The following TBC1D24 variants were observed in gnomAD, a reference collection of about 807,000 sequenced individuals.
The protein encoded by TBC1D24 is Infantile myoclonic epilepsy.
TBC1D24 carries 47 observed loss-of-function variants against 50.7 expected under a neutral mutation model. The ratio of observed to expected loss-of-function variants is 0.93; its 90% CI spans 0.73 to 1.18. The LOEUF (loss-of-function observed/expected upper bound fraction) is 1.18. Among genes scored for constraint, TBC1D24 ranks in the 50% most tolerant of loss-of-function variants. TBC1D24 has a pLI of 0.00. For missense variants in TBC1D24, 688 were observed against 766.5 expected (o/e 0.90, Z 1.21); for synonymous variants, 324 against 335.2 (o/e 0.97, Z 0.36).
intron 3 of TBC1D24, 32 bp downstream of exon 3, chr16:2,497,759 C>G: frequency 6.5e-7 from 1 of 1,535,156 alleles, no homozygotes; most frequent in East Asian, 2.4e-5. Flanking sequence ...CACACCTGGC[C>G]TCTGTCTTTC....
In TBC1D24 at chr16:2,498,374, C is replaced by A; in HGVS notation, c.1120C>A (p.Gln374Lys). ...CQPLLLFSSL[Q>K]HGYSLARFYF... ...GCCCCTTCTGCTGTTCTCCTCCCTG[C>A]AGCACGGGTACAGCCTGGCCAGGTA... The change falls in exon 4 of 8, where the codon CAG becomes AAG. Residue 374 changes from glutamine to lysine, a missense_variant. Physicochemically the swap from Gln to Lys is moderately conservative, Grantham distance 53. Coordinates refer to ENST00000646147, the MANE Select transcript of TBC1D24 (RefSeq NM_001199107.2). 6.2e-7 allele frequency: 1 copy of A among 1,607,924 alleles called. No individual in the cohort carries two copies. The highest frequency in any genetic ancestry group is 2.2e-5 in the East Asian group (1 of 44,702).
chr16:2,490,787 A>G (rs1268452919), intron 1 of TBC1D24, among the ~76,000 whole-genome samples: 6 of 152,214 alleles, frequency 3.9e-5, no homozygotes, highest in Non-Finnish European at 2.9e-5. Context: ...GGCCTGTCTA[A>G]CTGCAAAGCT....
rs368150932 is a variant in TBC1D24, at chr16:2,498,326, C to A, written c.1072C>A (p.Pro358Thr). 1.2e-6 allele frequency: 2 copies of A among 1,610,640 alleles called. No homozygotes were observed. Among genetic ancestry groups the A allele is most frequent in the African/African-American group, 2.7e-5 (2 of 74,888 alleles). The change falls in exon 4 of 8, where the codon CCC (proline) becomes ACC (threonine). Residue 358 changes from proline (P) to threonine (T), a missense_variant. Coordinates refer to ENST00000646147, the MANE Select transcript of TBC1D24 (RefSeq NM_001199107.2). ...REMRDIWSWVPERFALCQPLL... is the reference protein window; with the variant it reads ...REMRDIWSWVTERFALCQPLL... ...GATGAGAGACATCTGGTCCTGGGTC[C>A]CCGAGCGCTTTGCCCTGTGCCAGCC...
rs908178668 is a variant in TBC1D24, at chr16:2,501,396, C to T, written c.*438C>T. The T allele has an allele frequency of 9.2e-6, 2 of 217,736 alleles. No individual in the cohort carries two copies. The highest frequency in any genetic ancestry group is 9.4e-6 in the Non-Finnish European group (1 of 105,922). 13.5% of individuals were successfully genotyped at this position (217,736 alleles called of 1,614,324 possible). A position where few individuals can be genotyped will look rare whatever the true frequency, so the allele number is the denominator to read the frequency against. On this transcript the variant is annotated 3_prime_UTR_variant, in exon 8 of 8. Transcript: ENST00000646147. ...CCCCTGCTGGTGCCGCATAGCATCG[C>T]GCCCTCCTGAGCAGGGCCCTGCAGC...
rs1265900774 is a variant in TBC1D24 at position 2,482,992 on chromosome 16, G to A, written c.-116+7822G>A. 2.6e-5 allele frequency: 4 copies of A among 153,072 alleles called. No homozygotes were observed. Among genetic ancestry groups the A allele is most frequent in the African/African-American group, 9.6e-5 (4 of 41,472 alleles). The allele number at this position is 153,072 out of a possible 1,614,324, so 9.5% of individuals were successfully genotyped here. ...AAAACGGAGAAGAGGTGGAGCTGGA[G>A]TGGAGCCTCAGGCCCTGTGGTTTGC... On this transcript the variant is annotated intron_variant, in intron 1 of 7. Coordinates refer to ENST00000646147, the MANE Select transcript of TBC1D24 (RefSeq NM_001199107.2). The surrounding 1 kb of genome is among the most constrained non-coding windows in gnomAD (Gnocchi z 5.2).
At chr16:2,492,093 G>A (rs747405874) in intron 1 of TBC1D24, among the ~76,000 whole-genome samples, 2 of 152,104 alleles carry the variant, frequency 1.3e-5, no homozygotes, top group South Asian at 4.1e-4. Flanking sequence ...TCCTGCCTGA[G>A]CCTCCCAAAG....
At chr16:2,488,156 T>C (rs952695724) in intron 1 of TBC1D24, among the ~76,000 whole-genome samples, 6 of 152,226 alleles carry the variant, frequency 3.9e-5, no homozygotes, top group Non-Finnish European at 5.9e-5. Flanking sequence ...GCCGCCTTCC[T>C]CTTCCTGTGG....
At chr16:2,497,213 G>C in intron 2 of TBC1D24, 100 bp downstream of exon 2, 1 of 1,500,872 alleles carries the variant, frequency 6.7e-7, no homozygotes. Flanking sequence ...GGCGGCCTCT[G>C]CCCATGGTCC....
intron 2 of TBC1D24, among the ~76,000 whole-genome samples, 168 bp from the exon 3 acceptor site, chr16:2,497,542 T>C (rs962105434): frequency 3.9e-5 from 6 of 152,238 alleles, no homozygotes; most frequent in Non-Finnish European, 7.3e-5. Flanking sequence ...CTGTCCTATG[T>C]GGATTTGGCA....
At chr16:2,494,538 A>G (rs1383504205) in intron 1 of TBC1D24, among the ~76,000 whole-genome samples, 2 of 152,052 alleles carry the variant, frequency 1.3e-5, no homozygotes, top group East Asian at 1.9e-4. Flanking sequence ...GGAGTGGACC[A>G]TGCTCGAGTG....
intron 1 of TBC1D24, chr16:2,493,843 G>A (rs948074917): frequency 8.5e-5 from 13 of 152,384 alleles, no homozygotes; most frequent in African/African-American, 2.9e-4. Flanking sequence ...GAGCCCAGGG[G>A]TTGCTGTTCT....
rs765965968 is a variant in TBC1D24 at position 2,498,333 on chromosome 16, G to T, written c.1079G>T (p.Arg360Leu). The change falls in exon 4 of 8, where the codon CGC becomes CTC. Residue 360 changes from arginine to leucine, a missense_variant. Coordinates refer to ENST00000646147, the MANE Select transcript of TBC1D24 (RefSeq NM_001199107.2). ...MRDIWSWVPE[R>L]FALCQPLLLF... ...GACATCTGGTCCTGGGTCCCCGAGC[G>T]CTTTGCCCTGTGCCAGCCCCTTCTG... 7 of 1,610,224 alleles carry T rather than the reference G, an allele frequency of 4.3e-6. No homozygotes were observed. In the South Asian group the frequency reaches 7.8e-5, roughly 18 times the overall value.
At chr16:2,490,153 G>A (rs2065684117) in intron 1 of TBC1D24, among the ~76,000 whole-genome samples, 1 of 152,198 alleles carries the variant, frequency 6.6e-6, no homozygotes, top group East Asian at 1.9e-4. Flanking sequence ...GACCCACGGT[G>A]TGGACCCCCA....
rs34983305 is a variant in TBC1D24, at chr16:2,488,493, C to CTTTTT, written c.-115-7517_-115-7513dup. 2.6e-4 allele frequency among the ~76,000 whole-genome samples: 26 copies of CTTTTT among 100,730 alleles called. 3 individuals are homozygous for CTTTTT. The highest frequency in any genetic ancestry group is 6.4e-4 in the South Asian group (2 of 3,144). 66.1% of individuals were successfully genotyped at this position (100,730 alleles called of 152,430 possible). On this transcript the variant is annotated intron_variant, in intron 1 of 7. Coordinates refer to ENST00000646147, the MANE Select transcript of TBC1D24 (RefSeq NM_001199107.2). ...ATACTCATTACTCATTCGCACATAG[C>CTTTTT]TTTTTTTTTTTTTTTTTTTTTTTTT...
In TBC1D24 at chr16:2,500,316, G is replaced by A. The variant is rs750672283; in HGVS notation, c.1351G>A (p.Glu451Lys). Residue 451 changes from glutamate (E) to lysine (K), a missense_variant, in exon 7 of 8, where the codon GAG (glutamate) becomes AAG (lysine). Transcript: ENST00000646147. The surrounding 1 kb of genome is among the most constrained non-coding windows in gnomAD (Gnocchi z 8.0). ...CGAGTGGGTGGTGATCAAGCACCCC[G>A]AGCTGACCAAGCCCCCACCCTTGAT... ...RYEWVVIKHP[E>K]LTKPPPLMAA... The A allele has an allele frequency of 2.5e-6, 4 of 1,610,870 alleles. No individual in the cohort carries two copies. Among genetic ancestry groups the A allele is most frequent in the African/African-American group, 1.3e-5 (1 of 74,842 alleles).
chr16:2,475,364 GC>G lies in TBC1D24; in HGVS notation c.-116+195del, dbSNP rs1310800723. The stretch of plus-strand genomic sequence containing the variant: ...GAGCCCGGCACCGCCCGGCGCTGCA[GC>G]TGCGGCTTGGCCTACGGGAGGGGGC... On this transcript the variant is annotated intron_variant, in intron 1 of 7. Coordinates refer to ENST00000646147, the MANE Select transcript of TBC1D24 (RefSeq NM_001199107.2). The surrounding 1 kb of genome is among the most constrained non-coding windows in gnomAD (Gnocchi z 4.2). 2.0e-5 allele frequency among the ~76,000 whole-genome samples: 3 copies of G among 151,718 alleles called. No homozygotes were observed. Among genetic ancestry groups the G allele is most frequent in the Non-Finnish European group, 4.4e-5 (3 of 67,780 alleles).
In TBC1D24 at chr16:2,488,786, C is replaced by T. The variant is rs1336241923; in HGVS notation, c.-115-7248C>T. Among the ~76,000 whole-genome samples, 13 of 135,244 alleles carry T rather than the reference C, an allele frequency of 9.6e-5. 1 individual carries two copies. In the East Asian group the frequency reaches 2.3e-3, roughly 24 times the overall value. 88.7% of individuals were successfully genotyped at this position (135,244 alleles called of 152,430 possible). A position where few individuals can be genotyped will look rare whatever the true frequency, so the allele number is the denominator to read the frequency against. On this transcript the variant is annotated intron_variant, in intron 1 of 7. Transcript: ENST00000646147. ...TTTTTTTTTGAAATATTTGGCCGGG[C>T]GCGGTGGCTCACGCCTGTAATCCCA...
Position 2,496,811 on chromosome 16 carries a change from CCT to C in TBC1D24, c.666_667del (p.Cys223LeufsTer7). On this transcript the variant is annotated frameshift_variant, in exon 2 of 8. Transcript: ENST00000646147. LOFTEE classifies it high-confidence loss of function. ...WQRWLFGELP[L>X]CYFARVFDVF... ...AGCGCTGGCTGTTTGGGGAGCTGCCCCTCTGCTACTTCGCCCGGGTCTTTGAC... is the reference window on the plus strand; with the variant it reads ...AGCGCTGGCTGTTTGGGGAGCTGCCCCTGCTACTTCGCCCGGGTCTTTGAC... 6.2e-7 allele frequency: 1 copy of C among 1,614,026 alleles called. No homozygotes were observed. The highest frequency in any genetic ancestry group is 8.5e-7 in the Non-Finnish European group (1 of 1,180,046).
chr16:2,480,592 C>G (rs563969126), intron 1 of TBC1D24: 1 of 151,932 alleles, frequency 6.6e-6, no homozygotes, highest in South Asian at 2.1e-4. Flanking sequence ...GTGGGCCATT[C>G]GGTTTCCAGT....
Sources: allele counts gnomAD v4.1 joint callset (sites outside exome capture counted in the v4.1 genomes callset), GRCh38; gene constraint gnomAD v4.1.1; non-coding constraint Gnocchi (gnomAD v3.1); transcripts MANE v1.5; gene names NCBI Gene and HGNC (gene_info 2026-07-23, HGNC 2026-07-21).